Variants in CYP4F2 observed in about 807,000 individuals in gnomAD.
The protein encoded by CYP4F2 is cytochrome P450 family 4 subfamily F member 2.
CYP4F2 carries 58 observed loss-of-function variants against 58.9 expected under a neutral mutation model. The observed-to-expected ratio is 0.98, with a 90% CI of 0.80 to 1.23. CYP4F2 has a LOEUF of 1.23. CYP4F2 is among the 50% of genes most tolerant of loss of function. The pLI is 0.00. For synonymous variants in CYP4F2, 287 were observed against 261.1 expected, an observed-to-expected ratio of 1.10 and a Z score of -0.95; for missense variants, 616 against 685.6, an observed-to-expected ratio of 0.90 and a Z score of 1.13.
rs928893643 is a variant in CYP4F2, at chr19:15,880,621, C to CT, written c.1116-725dup. ...CCAACCTGGGCGATAGAGACTGCAT[C>CT]TCAAAAAAAAAAAATCAATTTTAAT... On this transcript the variant is annotated intron_variant, in intron 9 of 12. Coordinates refer to ENST00000221700, the MANE Select transcript of CYP4F2 (RefSeq NM_001082.5). Among the ~76,000 whole-genome samples the CT allele has an allele frequency of 7.2e-4, 102 of 140,750 alleles. 1 individual carries two copies. The highest frequency in any genetic ancestry group is 9.5e-4 in the Non-Finnish European group (63 of 66,516). 92.3% of individuals were successfully genotyped at this position (140,750 alleles called of 152,430 possible).
intron 11 of CYP4F2, 55 bp from the exon 12 acceptor site, chr19:15,879,483 T>G: frequency 6.2e-7 from 1 of 1,610,220 alleles, no homozygotes; most frequent in Non-Finnish European, 8.5e-7. Flanking sequence ...CCGCCAGCCT[T>G]GGAGAGACAG....
intron 5 of CYP4F2, among the ~76,000 whole-genome samples, chr19:15,890,892 C>T (rs896912315): frequency 3.3e-5 from 5 of 152,188 alleles, no homozygotes; most frequent in Non-Finnish European, 7.3e-5. Context: ...ATCTCTCCTT[C>T]GCAGAGCTGT....
At chr19:15,890,227 C>T (rs2089408246) in intron 6 of CYP4F2, 85 bp downstream of exon 6, 2 of 1,605,542 alleles carry the variant, frequency 1.2e-6, no homozygotes, top group Non-Finnish European at 1.7e-6. Flanking sequence ...GAAGGTTTGT[C>T]TGGTTTCCCT....
At chr19:15,881,582 GATA>G in intron 9 of CYP4F2, among the ~76,000 whole-genome samples, 1 of 30,126 alleles carries the variant, frequency 3.3e-5, no homozygotes, top group Non-Finnish European at 1.3e-4. Flanking sequence ...TAGATAGATA[GATA>G]GATAGATAGA....
At chr19:15,880,371 G>A (rs1415381516) in intron 9 of CYP4F2, among the ~76,000 whole-genome samples, 3 of 152,118 alleles carry the variant, frequency 2.0e-5, no homozygotes, top group East Asian at 1.9e-4. Flanking sequence ...GCTCATGCCT[G>A]TAATCCCAGC....
At chr19:15,888,330 A>G (rs1200097790) in intron 7 of CYP4F2, among the ~76,000 whole-genome samples, 1 of 152,214 alleles carries the variant, frequency 6.6e-6, no homozygotes, top group Non-Finnish European at 1.5e-5. Context: ...ACACACAAAT[A>G]CACATAAACA....
intron 9 of CYP4F2, among the ~76,000 whole-genome samples, chr19:15,884,624 T>TA (rs1568470602): frequency 6.6e-6 from 1 of 152,178 alleles, no homozygotes; most frequent in East Asian, 1.9e-4. Context: ...TATGCAGCAA[T>TA]AAAAAATTGT....
chr19:15,881,429 A>G (rs1375512586), intron 9 of CYP4F2, among the ~76,000 whole-genome samples: 1 of 152,236 alleles, frequency 6.6e-6, no homozygotes, highest in Non-Finnish European at 1.5e-5. Flanking sequence ...TAGATGATAG[A>G]TTGATAGATG....
intron 2 of CYP4F2, 74 bp downstream of exon 2, chr19:15,897,340 C>CCCA: frequency 7.2e-7 from 1 of 1,394,314 alleles, no homozygotes; most frequent in Non-Finnish European, 9.9e-7. Flanking sequence ...CCTTCACCCC[C>CCCA]ACTCCCTAAG....
intron 7 of CYP4F2, among the ~76,000 whole-genome samples, chr19:15,887,979 G>C (rs1042162551): frequency 6.7e-6 from 1 of 150,114 alleles, no homozygotes; most frequent in African/African-American, 2.5e-5. Context: ...CACAGACTTA[G>C]AAACACAGAC....
intron 9 of CYP4F2, among the ~76,000 whole-genome samples, chr19:15,881,341 T>TACAAATATATAC (rs2089342998): frequency 6.6e-6 from 1 of 152,174 alleles, no homozygotes; most frequent in Non-Finnish European, 1.5e-5. Flanking sequence ...GAAAACAAGT[T>TACAAATATATAC]ACAAATATAT....
intron 6 of CYP4F2, among the ~76,000 whole-genome samples, 180 bp downstream of exon 6, chr19:15,890,132 C>T (rs2089407737): frequency 6.6e-6 from 1 of 152,166 alleles, no homozygotes; most frequent in African/African-American, 2.4e-5. Flanking sequence ...CCCACCAGTT[C>T]AAACCCCTTC....
In CYP4F2 at chr19:15,879,330, C is replaced by G. The variant is rs1237213787; in HGVS notation, c.1397+16G>C. 6.2e-7 allele frequency: 1 copy of G among 1,613,850 alleles called. No homozygotes were observed. The highest frequency in any genetic ancestry group is 8.5e-7 in the Non-Finnish European group (1 of 1,179,844). On this transcript the variant is annotated intron_variant, in intron 12 of 12. Coordinates refer to ENST00000221700, the MANE Select transcript of CYP4F2 (RefSeq NM_001082.5). ...CCCATCAACCCGTTCCCACCTCAGA[C>G]ACAGGCCGCCCTTACCTGGGCCCTG...
intron 9 of CYP4F2, among the ~76,000 whole-genome samples, chr19:15,880,192 T>C (rs2145000030): frequency 6.6e-6 from 1 of 152,038 alleles, no homozygotes; most frequent in East Asian, 1.9e-4. Context: ...GATTTTACAG[T>C]TGTAAAAGAA....
chr19:15,886,628 T>G, intron 7 of CYP4F2: 1 of 356,314 alleles, frequency 2.8e-6, no homozygotes. Flanking sequence ...CAATTTCCCT[T>G]GGAAATTAGA....
rs769787930 is a variant in CYP4F2 at position 15,892,392 on chromosome 19, G to A, written c.442C>T (p.Arg148Cys). ...TGGAAGGCAGGCGTCAGCATCCGAC[G>A]GTGGCGGCTCCACTTGTCACCAGCA... ...LSAGDKWSRH[R>C]RMLTPAFHFN... Residue 148 changes from arginine (R) to cysteine (C), a missense_variant, in exon 5 of 13, where the codon CGT (arginine) becomes TGT (cysteine). Coordinates refer to ENST00000221700, the MANE Select transcript of CYP4F2 (RefSeq NM_001082.5). The A allele has an allele frequency of 8.1e-6, 13 of 1,614,064 alleles. No individual in the cohort carries two copies. The highest frequency in any genetic ancestry group is 2.7e-5 in the African/African-American group (2 of 74,922).
chr19:15,890,148 C>T (rs1184131599), intron 6 of CYP4F2, among the ~76,000 whole-genome samples, 164 bp downstream of exon 6: 1 of 152,168 alleles, frequency 6.6e-6, no homozygotes, highest in East Asian at 1.9e-4. Context: ...CCTTCAATGG[C>T]TCCCTGGAAA....
rs762381741 is a variant in CYP4F2 at position 15,889,521 on chromosome 19, G to A, written c.820C>T (p.Arg274Trp). ...CCCTGGCTAGGGAGAGTGCGGCGCC[G>A]CTCCTGGATGACGGCATCTGTGAAG... The part of the protein sequence containing the change: ...HDFTDAVIQE[R>W]RRTLPSQGVD... Residue 274 changes from arginine to tryptophan, a missense_variant, in exon 7 of 13, where the codon CGG (arginine) becomes TGG (tryptophan). Coordinates refer to ENST00000221700, the MANE Select transcript of CYP4F2 (RefSeq NM_001082.5). The A allele has an allele frequency of 8.4e-5, 136 of 1,614,044 alleles. No homozygotes were observed. The highest frequency in any genetic ancestry group is 1.1e-4 in the Non-Finnish European group (127 of 1,180,046).
intron 7 of CYP4F2, among the ~76,000 whole-genome samples, chr19:15,888,041 G>GAC (rs1420524429): frequency 1.4e-5 from 2 of 141,294 alleles, no homozygotes; most frequent in African/African-American, 5.3e-5. Flanking sequence ...TATAGACACA[G>GAC]ACACACACAC....
Sources: gnomAD v4.1 joint callset for allele counts (sites outside exome capture counted in the v4.1 genomes callset) on GRCh38, gnomAD v4.1.1 for gene constraint, MANE v1.5 for transcripts, NCBI Gene and HGNC (gene_info 2026-07-23, HGNC 2026-07-21) for gene names.